Variants in COL4A3 observed in about 807,000 individuals in gnomAD.
COL4A3 encodes the protein collagen type IV alpha 3 chain, also known as collagen alpha-3(IV) chain.
COL4A3 carries 135 observed loss-of-function variants against 217.4 expected under a neutral mutation model. That is an observed-to-expected ratio of 0.62 (90% CI 0.54 to 0.72). The LOEUF is 0.72. COL4A3 is among the 30% of genes least tolerant of loss of function. COL4A3 has a pLI of 0.00. For missense variants in COL4A3, 1,868 were observed against 2,119.9 expected, an observed-to-expected ratio of 0.88 and a Z score of 2.33; for synonymous variants, 690 against 736.3, an observed-to-expected ratio of 0.94 and a Z score of 1.02.
chr2:227,184,519 T>A (rs552196332), intron 1 of COL4A3, among the ~76,000 whole-genome samples: 4 of 152,366 alleles, frequency 2.6e-5, no homozygotes, highest in Admixed American at 1.3e-4. Context: ...AAGTCTTATA[T>A]TTTGTACCAA....
intron 1 of COL4A3, among the ~76,000 whole-genome samples, chr2:227,199,352 C>G (rs188183496): frequency 2.0e-5 from 3 of 152,316 alleles, no homozygotes; most frequent in Admixed American, 1.3e-4. Context: ...ACTTGGCAAT[C>G]TTTACCTCTG....
At chr2:227,175,367 A>G (rs997840191) in intron 1 of COL4A3, among the ~76,000 whole-genome samples, 5 of 152,290 alleles carry the variant, frequency 3.3e-5, no homozygotes, top group African/African-American at 9.6e-5. Flanking sequence ...GCTACTCAGA[A>G]GGCCAGGGCA....
intron 1 of COL4A3, among the ~76,000 whole-genome samples, chr2:227,166,988 G>A (rs112445641): frequency 0.049 from 7,536 of 152,268 alleles, 230 homozygotes; most frequent in Admixed American, 0.087. Context: ...GAACCTAGTT[G>A]TTAGCATGCT....
In COL4A3 at chr2:227,253,440, T is replaced by A. The variant is rs55997063; in HGVS notation, c.687+103T>A. ...CGGGCCAAGCTGAAATTGATGGGCC[T>A]TCATTTGTTCTATCTTCCCGTATAA... is the stretch of plus-strand genomic sequence containing the variant. On this transcript the variant is annotated intron_variant, in intron 12 of 51. Transcript: ENST00000396578. The surrounding 1 kb of genome is among the most constrained non-coding windows in gnomAD (Gnocchi z 4.4). 75,874 of 1,423,358 alleles carry A rather than the reference T, an allele frequency of 0.053. 2,280 individuals carry two copies. Among genetic ancestry groups the A allele is most frequent in the East Asian group, 0.088 (3,863 of 43,936 alleles). 88.2% of individuals were successfully genotyped at this position (1,423,358 alleles called of 1,614,324 possible).
chr2:227,225,709 CTTTTT>C (rs71829862), intron 1 of COL4A3, among the ~76,000 whole-genome samples: 1 of 126,240 alleles, frequency 7.9e-6, no homozygotes, highest in Non-Finnish European at 1.6e-5. Context: ...CTTTTTCTTT[CTTTTT>C]TTTTTTTTTT....
At chr2:227,245,265 A>G (rs1229035858) in intron 5 of COL4A3, among the ~76,000 whole-genome samples, 1 of 151,964 alleles carries the variant, frequency 6.6e-6, no homozygotes, top group Non-Finnish European at 1.5e-5. Flanking sequence ...CAGTGATTCC[A>G]CATCCATGGA....
chr2:227,277,369 G>T, intron 27 of COL4A3, 80 bp from the exon 28 acceptor site: 1 of 873,332 alleles, frequency 1.1e-6, no homozygotes, highest in South Asian at 1.4e-5. Flanking sequence ...GGACGACACA[G>T]AGAACTTAGA....
intron 1 of COL4A3, among the ~76,000 whole-genome samples, chr2:227,172,233 G>T (rs1281451094): frequency 6.6e-6 from 1 of 152,186 alleles, no homozygotes; most frequent in Non-Finnish European, 1.5e-5. Flanking sequence ...GGCACTGGCT[G>T]CAACCAATTA....
At chr2:227,261,850 C>T (rs1013499086) in intron 20 of COL4A3, among the ~76,000 whole-genome samples, 3 of 152,190 alleles carry the variant, frequency 2.0e-5, no homozygotes, top group Non-Finnish European at 2.9e-5. Context: ...TCTAAACTTT[C>T]GTCTCTGACT....
chr2:227,189,048 T>G (rs988766867), intron 1 of COL4A3, among the ~76,000 whole-genome samples: 1 of 152,072 alleles, frequency 6.6e-6, no homozygotes, highest in Admixed American at 6.5e-5. Context: ...GAGAGACTCT[T>G]CCATATACAG....
chr2:227,233,211 C>T lies in COL4A3; in HGVS notation c.88-4757C>T, dbSNP rs114475169. Among the ~76,000 whole-genome samples, 552 of 152,162 alleles carry T rather than the reference C, an allele frequency of 3.6e-3. 4 individuals carry two copies. Among genetic ancestry groups the T allele is most frequent in the African/African-American group, 0.012 (517 of 41,526 alleles). On this transcript the variant is annotated intron_variant, in intron 1 of 51. Coordinates refer to ENST00000396578, the MANE Select transcript of COL4A3 (RefSeq NM_000091.5). ...GTATTTTTAGTAGAGACAGGGTTCACGTTGTTGGCCAGGCTGGTCTCAAAC... is the reference window on the plus strand; with the variant it reads ...GTATTTTTAGTAGAGACAGGGTTCATGTTGTTGGCCAGGCTGGTCTCAAAC...
At chr2:227,224,773 G>A (rs1304584538) in intron 1 of COL4A3, among the ~76,000 whole-genome samples, 2 of 150,956 alleles carry the variant, frequency 1.3e-5, no homozygotes, top group Admixed American at 6.6e-5. Context: ...AAAAAAAAAT[G>A]AATGATTATA....
At chr2:227,249,230 A>ATATATATATATATATATATATTTTTTT in intron 9 of COL4A3, among the ~76,000 whole-genome samples, 1 of 14,688 alleles carries the variant, frequency 6.8e-5, no homozygotes, top group Non-Finnish European at 1.2e-4. Flanking sequence ...ATATATATAT[A>ATATATATATATATATATATATTTTTTT]TTTTTTTTTT....
intron 1 of COL4A3, among the ~76,000 whole-genome samples, chr2:227,207,364 A>G (rs1416644915): frequency 6.6e-6 from 1 of 152,130 alleles, no homozygotes; most frequent in Admixed American, 6.6e-5. Flanking sequence ...CCAAATATTT[A>G]TTTCTTCTTC....
At chr2:227,311,755 A>C (rs2073750033) in intron 51 of COL4A3, 31 bp from the exon 52 acceptor site, 1 of 1,605,560 alleles carries the variant, frequency 6.2e-7, no homozygotes, top group African/African-American at 1.3e-5. Flanking sequence ...TGCATAAATA[A>C]ATGAATTTTT....
intron 9 of COL4A3, among the ~76,000 whole-genome samples, chr2:227,249,232 T>TATATA (rs1559865184): frequency 2.1e-4 from 3 of 14,202 alleles, no homozygotes; most frequent in South Asian, 3.5e-3. Context: ...ATATATATAT[T>TATATA]TTTTTTTTTT....
chr2:227,242,996 C>A (rs2125900670), intron 3 of COL4A3, among the ~76,000 whole-genome samples: 1 of 152,260 alleles, frequency 6.6e-6, no homozygotes, highest in East Asian at 1.9e-4. Flanking sequence ...AGGCATGGAC[C>A]CAGGTTTTCT....
rs1225065128 is a variant in COL4A3, at chr2:227,164,647, A to G, written c.-80A>G. 1.9e-5 allele frequency: 29 copies of G among 1,522,578 alleles called. No homozygotes were observed. Among genetic ancestry groups the G allele is most frequent in the Non-Finnish European group, 2.5e-5 (29 of 1,139,332 alleles). 94.3% of individuals were successfully genotyped at this position (1,522,578 alleles called of 1,614,324 possible). Reference sequence around the variant, plus strand: ...GCGAGCTTTCCAGCCGGGCTCCCAGAGCCGCGCTGCGCAGGAGACGCGGTG... The same window carrying G: ...GCGAGCTTTCCAGCCGGGCTCCCAGGGCCGCGCTGCGCAGGAGACGCGGTG... On this transcript the variant is annotated 5_prime_UTR_variant, in exon 1 of 52. Coordinates refer to ENST00000396578, the MANE Select transcript of COL4A3 (RefSeq NM_000091.5). This position sits in a 1 kb window ranked among gnomAD's most constrained non-coding sequence, Gnocchi z 4.8.
intron 42 of COL4A3, among the ~76,000 whole-genome samples, chr2:227,298,140 G>A (rs1421717487): frequency 6.6e-6 from 1 of 152,152 alleles, no homozygotes; most frequent in Non-Finnish European, 1.5e-5. Flanking sequence ...TTGAGGTCAG[G>A]AGTTCAAGAC....
Sources: gnomAD v4.1 joint callset for allele counts (sites outside exome capture counted in the v4.1 genomes callset) on GRCh38, gnomAD v4.1.1 for gene constraint, Gnocchi (gnomAD v3.1) non-coding constraint, MANE v1.5 for transcripts, NCBI Gene and HGNC (gene_info 2026-07-23, HGNC 2026-07-21) for gene names.